Variants in PTPRD observed in about 807,000 individuals in gnomAD.
PTPRD encodes protein tyrosine phosphatase receptor type D.
In PTPRD, 34 loss-of-function variants were observed where a neutral mutation model predicts 214.5. That is an observed-to-expected ratio of 0.16 (90% CI 0.12 to 0.21). PTPRD has a LOEUF of 0.21. Ranked by LOEUF, PTPRD falls within the 10% of genes least tolerant of loss-of-function variation. PTPRD has a pLI of 1.00. For synonymous variants in PTPRD, 1,128 were observed against 845.7 expected (o/e 1.33, Z -5.79); for missense variants, 2,545 against 2,398.7 (o/e 1.06, Z -1.27).
chr9:10,219,031 A>T (rs2099554193), intron 3 of PTPRD, among the ~76,000 whole-genome samples: 1 of 151,834 alleles, frequency 6.6e-6, no homozygotes, highest in Admixed American at 6.6e-5. Flanking sequence ...CCGAGGCACC[A>T]CTTGAAAGTT....
At chr9:8,795,980 A>G (rs2096407817) in intron 11 of PTPRD, among the ~76,000 whole-genome samples, 1 of 152,198 alleles carries the variant, frequency 6.6e-6, no homozygotes, top group African/African-American at 2.4e-5. Flanking sequence ...TTTAACTTCG[A>G]TAAGAAAACA....
chr9:9,091,049 G>A, intron 10 of PTPRD: 1 of 1,534,790 alleles, frequency 6.5e-7, no homozygotes, highest in Non-Finnish European at 8.9e-7. Context: ...GCAGCAGTCA[G>A]GGACATTTCT....
chr9:9,092,527 T>G (rs893319521), intron 10 of PTPRD, among the ~76,000 whole-genome samples: 1 of 152,060 alleles, frequency 6.6e-6, no homozygotes, highest in Admixed American at 6.6e-5. Context: ...ATTTACAAAT[T>G]AAGTGTAATA....
intron 2 of PTPRD, among the ~76,000 whole-genome samples, chr9:10,527,175 T>C (rs1436067659): frequency 6.6e-6 from 1 of 152,134 alleles, no homozygotes; most frequent in African/African-American, 2.4e-5. Context: ...AACAATTAAA[T>C]TGATTTCAGG....
At chr9:10,407,259 G>C (rs1002318993) in intron 2 of PTPRD, among the ~76,000 whole-genome samples, 15 of 151,538 alleles carry the variant, frequency 9.9e-5, no homozygotes, top group African/African-American at 3.1e-4. Context: ...TAATGTCTTA[G>C]GCTATGGATT....
chr9:8,675,534 C>CAA (rs2097386836), intron 12 of PTPRD, among the ~76,000 whole-genome samples: 2 of 73,802 alleles, frequency 2.7e-5, no homozygotes, highest in African/African-American at 1.3e-4. Context: ...CACACACACA[C>CAA]ACACAAAAAA....
intron 10 of PTPRD, among the ~76,000 whole-genome samples, chr9:9,114,422 T>C (rs1322830011): frequency 2.0e-5 from 3 of 152,134 alleles, no homozygotes; most frequent in African/African-American, 7.2e-5. Context: ...TTGTACAACA[T>C]GTAAAACCTC....
chr9:10,550,189 C>G (rs926590627), intron 2 of PTPRD, among the ~76,000 whole-genome samples: 1 of 152,208 alleles, frequency 6.6e-6, no homozygotes, highest in East Asian at 1.9e-4. Flanking sequence ...ACTACAGTTT[C>G]CTATTCCAAA....
intron 14 of PTPRD, among the ~76,000 whole-genome samples, chr9:8,599,904 C>T (rs184927344): frequency 2.0e-4 from 31 of 152,228 alleles, no homozygotes; most frequent in African/African-American, 7.2e-4. Context: ...AGGCATGAGC[C>T]ACGGCGCCTG....
chr9:8,739,311 G>A (rs1356976029), intron 11 of PTPRD, among the ~76,000 whole-genome samples: 1 of 152,176 alleles, frequency 6.6e-6, no homozygotes, highest in African/African-American at 2.4e-5. Context: ...CCAAGAGAAG[G>A]GAGCCATCTA....
At chr9:9,487,499 T>G (rs1311072388) in intron 8 of PTPRD, among the ~76,000 whole-genome samples, 1 of 152,150 alleles carries the variant, frequency 6.6e-6, no homozygotes. Context: ...TTTGCTATTG[T>G]GAATAGTGCC....
intron 3 of PTPRD, among the ~76,000 whole-genome samples, chr9:10,231,163 C>A (rs947265606): frequency 4.6e-5 from 7 of 151,878 alleles, no homozygotes; most frequent in African/African-American, 1.7e-4. Flanking sequence ...CAGTTGACTC[C>A]AATTAAGCGT....
At chr9:9,896,399 C>T (rs544744307) in intron 5 of PTPRD, among the ~76,000 whole-genome samples, 1 of 152,056 alleles carries the variant, frequency 6.6e-6, no homozygotes, top group South Asian at 2.1e-4. Flanking sequence ...TACATCTTCA[C>T]TAGTGCAAGG....
At chr9:8,472,926 G>A (rs535098072) in intron 30 of PTPRD, among the ~76,000 whole-genome samples, 1 of 152,052 alleles carries the variant, frequency 6.6e-6, no homozygotes, top group Admixed American at 6.6e-5. Context: ...TCTGAAATAC[G>A]TGAGTAAAAA....
chr9:8,465,112 G>T (rs2096519264), intron 32 of PTPRD, among the ~76,000 whole-genome samples: 1 of 151,792 alleles, frequency 6.6e-6, no homozygotes, highest in African/African-American at 2.4e-5. Flanking sequence ...CTCCTTTTTT[G>T]GACAACAGTC....
At chr9:8,949,099 C>T (rs963630416) in intron 11 of PTPRD, among the ~76,000 whole-genome samples, 4 of 151,544 alleles carry the variant, frequency 2.6e-5, no homozygotes, top group African/African-American at 4.8e-5. Context: ...TGGCGGGCAC[C>T]TGTAATCCCA....
chr9:8,437,095 A>C (rs1266873528), intron 34 of PTPRD: 2 of 798,204 alleles, frequency 2.5e-6, no homozygotes, highest in Non-Finnish European at 3.9e-6. Context: ...TAAATGGTGT[A>C]AAGTGAAATA....
intron 3 of PTPRD, among the ~76,000 whole-genome samples, chr9:10,248,116 T>C (rs932728436): frequency 6.6e-5 from 10 of 152,126 alleles, no homozygotes; most frequent in Non-Finnish European, 1.5e-4. Flanking sequence ...CATGTGGAAC[T>C]GTAAGTCCAA....
At chr9:10,163,559 T>G (rs2099141577) in intron 3 of PTPRD, among the ~76,000 whole-genome samples, 1 of 151,510 alleles carries the variant, frequency 6.6e-6, no homozygotes, top group South Asian at 2.1e-4. Flanking sequence ...TTTAATCTCA[T>G]AATTCATTTC....
Sources: gnomAD v4.1 joint callset for allele counts (sites outside exome capture counted in the v4.1 genomes callset) on GRCh38, gnomAD v4.1.1 for gene constraint, MANE v1.5 for transcripts, NCBI Gene and HGNC (gene_info 2026-07-23, HGNC 2026-07-21) for gene names.